The following BBS9 variants were observed in gnomAD, a reference collection of about 807,000 sequenced individuals.
BBS9 encodes the protein Bardet-Biedl syndrome 9.
In BBS9, 89 loss-of-function variants were observed where a neutral mutation model predicts 117.7. That is an observed-to-expected ratio of 0.76 (90% CI 0.64 to 0.90). BBS9 has a LOEUF of 0.90. BBS9 is among the 40% of genes least tolerant of loss of function. BBS9 has a pLI of 0.00. For missense variants in BBS9, 982 were observed against 1,042.2 expected, an observed-to-expected ratio of 0.94 and a Z score of 0.80; for synonymous variants, 379 against 370.9, an observed-to-expected ratio of 1.02 and a Z score of -0.25.
intron 9 of BBS9, among the ~76,000 whole-genome samples, chr7:33,315,755 A>G (rs1810358640): frequency 6.6e-6 from 1 of 152,164 alleles, no homozygotes; most frequent in South Asian, 2.1e-4. Flanking sequence ...GTGTCATTTT[A>G]TGTGGATATA....
chr7:33,257,577 T>C, intron 6 of BBS9, among the ~76,000 whole-genome samples, 167 bp downstream of exon 6: 1 of 152,188 alleles, frequency 6.6e-6, no homozygotes, highest in African/African-American at 2.4e-5. Context: ...TTGTAAAATA[T>C]TTGAAAGGCA....
chr7:33,136,091 CT>C (rs1790419699), intron 1 of BBS9, among the ~76,000 whole-genome samples: 1 of 151,866 alleles, frequency 6.6e-6, no homozygotes, highest in Non-Finnish European at 1.5e-5. Context: ...ACCTGGCTAA[CT>C]TATGTATTTT....
At chr7:33,441,828 A>G (rs755283001) in intron 19 of BBS9, among the ~76,000 whole-genome samples, 2 of 151,840 alleles carry the variant, frequency 1.3e-5, no homozygotes, top group Non-Finnish European at 2.9e-5. Context: ...AATTCCTTTT[A>G]TAGGTTATCT....
At chr7:33,296,751 G>C (rs564874345) in intron 9 of BBS9, among the ~76,000 whole-genome samples, 1 of 152,060 alleles carries the variant, frequency 6.6e-6, no homozygotes, top group East Asian at 1.9e-4. Flanking sequence ...AAGATTAAAG[G>C]CCCATGGCCC....
At chr7:33,306,715 A>G (rs1214579253) in intron 9 of BBS9, among the ~76,000 whole-genome samples, 1 of 152,132 alleles carries the variant, frequency 6.6e-6, no homozygotes, top group Admixed American at 6.5e-5. Context: ...GTTATTACCT[A>G]GAATCCAATA....
chr7:33,355,755 A>G (rs1819503690), intron 15 of BBS9, among the ~76,000 whole-genome samples: 1 of 151,932 alleles, frequency 6.6e-6, no homozygotes, highest in Admixed American at 6.6e-5. Context: ...TAGTGCTTGC[A>G]ATCCATTTGT....
intron 17 of BBS9, among the ~76,000 whole-genome samples, chr7:33,374,690 T>G (rs898315232): frequency 5.9e-5 from 9 of 151,918 alleles, no homozygotes; most frequent in Middle Eastern, 3.2e-3. Flanking sequence ...TCACCTAAGG[T>G]CGGGAGTTAG....
chr7:33,323,149 C>G (rs974257782), intron 9 of BBS9, among the ~76,000 whole-genome samples: 5 of 151,972 alleles, frequency 3.3e-5, no homozygotes, highest in Non-Finnish European at 5.9e-5. Flanking sequence ...TGTTTTGTGG[C>G]CTAACATTTT....
chr7:33,259,617 C>A (rs1797636672), intron 6 of BBS9, among the ~76,000 whole-genome samples: 1 of 152,010 alleles, frequency 6.6e-6, no homozygotes, highest in African/African-American at 2.4e-5. Flanking sequence ...TTAAGTGAAC[C>A]TTCTGCCTTG....
At chr7:33,567,560 G>A (rs762392506) in intron 21 of BBS9, among the ~76,000 whole-genome samples, 51 of 152,094 alleles carry the variant, frequency 3.4e-4, no homozygotes, top group Non-Finnish European at 1.9e-4. Context: ...AGCCTGAGAA[G>A]TTGGTATTCC....
chr7:33,261,395 GT>G (rs1427538202), intron 6 of BBS9, among the ~76,000 whole-genome samples: 4 of 152,188 alleles, frequency 2.6e-5, no homozygotes, highest in Admixed American at 1.3e-4. Context: ...TGATAAAAGA[GT>G]GAAAAGTGTA....
chr7:33,530,634 A>G (rs1585146993), intron 20 of BBS9, among the ~76,000 whole-genome samples: 1 of 152,174 alleles, frequency 6.6e-6, no homozygotes, highest in South Asian at 2.1e-4. Flanking sequence ...CTGAAATTCA[A>G]ACTCAATTCT....
chr7:33,429,447 G>A (rs1046045925), intron 19 of BBS9, among the ~76,000 whole-genome samples: 2 of 152,056 alleles, frequency 1.3e-5, no homozygotes, highest in Non-Finnish European at 2.9e-5. Flanking sequence ...AACACTGAAA[G>A]CATTTAAGGC....
intron 9 of BBS9, among the ~76,000 whole-genome samples, chr7:33,292,254 G>A (rs115236301): frequency 0.038 from 5,749 of 151,932 alleles, 196 homozygotes; most frequent in African/African-American, 0.088. Context: ...CTGAGACAAG[G>A]CCTCCCTCTG....
At chr7:33,233,050 A>G (rs1792785180) in intron 5 of BBS9, among the ~76,000 whole-genome samples, 1 of 152,230 alleles carries the variant, frequency 6.6e-6, no homozygotes, top group African/African-American at 2.4e-5. Context: ...AGCAGAGTTT[A>G]ACAATTAGAA....
At chr7:33,309,355 A>G (rs1322488924) in intron 9 of BBS9, among the ~76,000 whole-genome samples, 1 of 147,370 alleles carries the variant, frequency 6.8e-6, no homozygotes, top group Non-Finnish European at 1.5e-5. Flanking sequence ...AAGACTTCAA[A>G]TTATAACACG....
chr7:33,276,005 A>T (rs367880233), intron 9 of BBS9, among the ~76,000 whole-genome samples: 6 of 152,318 alleles, frequency 3.9e-5, no homozygotes, highest in African/African-American at 4.8e-5. Context: ...CTTTTGCAAG[A>T]TGACAGTTAT....
intron 9 of BBS9, among the ~76,000 whole-genome samples, chr7:33,329,169 C>T (rs928284719): frequency 6.6e-6 from 1 of 152,034 alleles, no homozygotes; most frequent in African/African-American, 2.4e-5. Flanking sequence ...TACAGGTGCA[C>T]ATCACCACTC....
chr7:33,329,177 C>T (rs1813467440), intron 9 of BBS9, among the ~76,000 whole-genome samples: 1 of 152,056 alleles, frequency 6.6e-6, no homozygotes, highest in African/African-American at 2.4e-5. Context: ...CACATCACCA[C>T]TCCCAGCAAA....
Sources: allele counts gnomAD v4.1 joint callset (sites outside exome capture counted in the v4.1 genomes callset), GRCh38; gene constraint gnomAD v4.1.1; transcripts MANE v1.5; gene names NCBI Gene and HGNC (gene_info 2026-07-23, HGNC 2026-07-21).